The following NOS1AP variants were observed in gnomAD, a reference collection of about 807,000 sequenced individuals.
NOS1AP encodes nitric oxide synthase 1 adaptor protein.
Under a neutral mutation model 56.2 loss-of-function variants are expected in NOS1AP, and 21 were observed. The observed-to-expected ratio is 0.37, with a 90% CI of 0.26 to 0.54. The LOEUF is 0.54. Ranked by LOEUF, NOS1AP falls within the 20% of genes least tolerant of loss-of-function variation. The pLI, the probability that NOS1AP is intolerant of heterozygous loss-of-function variation, is 0.84. For missense variants in NOS1AP, 522 were observed against 657.8 expected (o/e 0.79, Z 2.26); for synonymous variants, 270 against 274.6 (o/e 0.98, Z 0.17).
At chr1:162,357,787 G>T (rs1476989679) in intron 8 of NOS1AP, among the ~76,000 whole-genome samples, 3 of 151,968 alleles carry the variant, frequency 2.0e-5, no homozygotes, top group Non-Finnish European at 4.4e-5. Context: ...TTGTTCGGGG[G>T]CTGCTACATT....
At chr1:162,155,927 TA>T (rs1215739370) in intron 2 of NOS1AP, among the ~76,000 whole-genome samples, 1 of 152,244 alleles carries the variant, frequency 6.6e-6, no homozygotes, top group Non-Finnish European at 1.5e-5. Flanking sequence ...TCTACTCACC[TA>T]AATGGAAAAA....
chr1:162,263,067 A>G (rs927943875), intron 2 of NOS1AP, among the ~76,000 whole-genome samples: 1 of 152,210 alleles, frequency 6.6e-6, no homozygotes, highest in African/African-American at 2.4e-5. Flanking sequence ...ACAACTGGTT[A>G]TCATCTCCTA....
chr1:162,335,611 T>C (rs373758987), intron 5 of NOS1AP, among the ~76,000 whole-genome samples: 3 of 152,190 alleles, frequency 2.0e-5, no homozygotes, highest in South Asian at 2.1e-4. Context: ...GTTGCAGAGA[T>C]GTTGCTGGGT....
rs35839449 is a variant in NOS1AP, at chr1:162,090,369, T to TAA, written c.105+20099_105+20100dup. Among the ~76,000 whole-genome samples the TAA allele has an allele frequency of 7.9e-3, 1,166 of 146,952 alleles. 6 individuals carry two copies. The highest frequency in any genetic ancestry group is 0.012 in the Non-Finnish European group (833 of 66,712). Reference sequence around the variant, plus strand: ...TAGATGCTGCCTAAATTATCTTTTGTAAAAAAAAAAAAAGTCTGAGAATTT... The same window carrying TAA: ...TAGATGCTGCCTAAATTATCTTTTGTAAAAAAAAAAAAAAAGTCTGAGAATTT... On this transcript the variant is annotated intron_variant, in intron 1 of 9. Coordinates refer to ENST00000361897, the MANE Select transcript of NOS1AP (RefSeq NM_014697.3).
At chr1:162,106,998 G>T (rs1647536706) in intron 1 of NOS1AP, among the ~76,000 whole-genome samples, 1 of 144,848 alleles carries the variant, frequency 6.9e-6, no homozygotes, top group African/African-American at 2.8e-5. Flanking sequence ...GCAAAAAGCT[G>T]CAATGACTGA....
chr1:162,278,703 G>A (rs1476864112), intron 2 of NOS1AP, among the ~76,000 whole-genome samples: 1 of 142,044 alleles, frequency 7.0e-6, no homozygotes, highest in Non-Finnish European at 1.5e-5. Flanking sequence ...GTGTGTGTGT[G>A]TGTGTGTGTA....
At chr1:162,263,350 AAG>A (rs1273913469) in intron 2 of NOS1AP, among the ~76,000 whole-genome samples, 6 of 152,214 alleles carry the variant, frequency 3.9e-5, no homozygotes, top group African/African-American at 1.2e-4. Flanking sequence ...ATGGAAGGGC[AAG>A]AGAGAGGGGG....
chr1:162,366,090 C>T (rs947052106), intron 9 of NOS1AP, among the ~76,000 whole-genome samples: 2 of 152,192 alleles, frequency 1.3e-5, no homozygotes, highest in African/African-American at 2.4e-5. Context: ...CACTGCTCTG[C>T]TGGGCAATAG....
chr1:162,251,869 G>GTTTTT (rs57313228), intron 2 of NOS1AP, among the ~76,000 whole-genome samples: 177 of 82,134 alleles, frequency 2.2e-3, no homozygotes, highest in Admixed American at 2.8e-3. Context: ...TTTTTTTTTT[G>GTTTTT]TTTTTTTTTT....
At chr1:162,079,148 A>AC (rs932083697) in intron 1 of NOS1AP, among the ~76,000 whole-genome samples, 1 of 151,362 alleles carries the variant, frequency 6.6e-6, no homozygotes, top group Non-Finnish European at 1.5e-5. Flanking sequence ...GGCTTGAGGG[A>AC]CCCCCCAGCA....
At chr1:162,217,465 A>G (rs1222621808) in intron 2 of NOS1AP, among the ~76,000 whole-genome samples, 1 of 151,584 alleles carries the variant, frequency 6.6e-6, no homozygotes, top group Non-Finnish European at 1.5e-5. Flanking sequence ...GGGTTTCACC[A>G]TGTTGGCCAG....
chr1:162,079,129 G>A (rs566689461), intron 1 of NOS1AP, among the ~76,000 whole-genome samples: 1 of 152,088 alleles, frequency 6.6e-6, no homozygotes, highest in Admixed American at 6.5e-5. Context: ...GTAACTTCCG[G>A]TTCCCAGTGG....
At chr1:162,313,571 G>A (rs1656121887) in intron 4 of NOS1AP, among the ~76,000 whole-genome samples, 1 of 152,188 alleles carries the variant, frequency 6.6e-6, no homozygotes, top group Admixed American at 6.5e-5. Flanking sequence ...AACCAGTCTG[G>A]CTTGGAATGC....
At chr1:162,191,614 G>GAAATTCTTGCC (rs769000166) in intron 2 of NOS1AP, among the ~76,000 whole-genome samples, 1 of 152,014 alleles carries the variant, frequency 6.6e-6, no homozygotes, top group Non-Finnish European at 1.5e-5. Context: ...AGGGATTCCA[G>GAAATTCTTGCC]AAATTCTTGC....
chr1:162,235,878 T>C (rs1346700765), intron 2 of NOS1AP, among the ~76,000 whole-genome samples: 1 of 152,198 alleles, frequency 6.6e-6, no homozygotes, highest in East Asian at 1.9e-4. Context: ...GTCGCATCAG[T>C]TGGATAAATC....
At chr1:162,100,268 A>G (rs946157288) in intron 1 of NOS1AP, among the ~76,000 whole-genome samples, 5 of 151,202 alleles carry the variant, frequency 3.3e-5, no homozygotes, top group African/African-American at 7.3e-5. Flanking sequence ...AAGTGTTCCT[A>G]TTTCTCCACA....
intron 6 of NOS1AP, 28 bp from the exon 7 acceptor site, chr1:162,355,159 T>C (rs762526031): frequency 2.5e-6 from 4 of 1,613,284 alleles, no homozygotes; most frequent in Non-Finnish European, 2.5e-6. Flanking sequence ...TTTCATTCTC[T>C]TCCCTCCCTC....
At chr1:162,117,266 G>C (rs1181944515) in intron 1 of NOS1AP, among the ~76,000 whole-genome samples, 2 of 152,196 alleles carry the variant, frequency 1.3e-5, no homozygotes, top group African/African-American at 4.8e-5. Context: ...GTCTTTATCA[G>C]ATTAATGTCA....
intron 2 of NOS1AP, among the ~76,000 whole-genome samples, chr1:162,270,212 C>G (rs1471866729): frequency 1.3e-5 from 2 of 152,240 alleles, no homozygotes; most frequent in East Asian, 3.9e-4. Context: ...AGACAAGTGG[C>G]CTCCTTAATG....
Sources: allele counts gnomAD v4.1 joint callset (sites outside exome capture counted in the v4.1 genomes callset), GRCh38; gene constraint gnomAD v4.1.1; transcripts MANE v1.5; gene names NCBI Gene and HGNC (gene_info 2026-07-23, HGNC 2026-07-21).